Variants in ULK4 observed in about 807,000 individuals in gnomAD.
ULK4 encodes the protein unc-51 like kinase 4.
A neutral mutation model predicts 160.6 loss-of-function variants in ULK4; 133 were observed. The ratio of observed to expected loss-of-function variants is 0.83; its 90% CI spans 0.72 to 0.96. The LOEUF is 0.96. ULK4 is among the 40% of genes least tolerant of loss of function. ULK4 has a pLI of 0.00. For synonymous variants in ULK4, 534 were observed against 539.8 expected (o/e 0.99, Z 0.15); for missense variants, 1,580 against 1,499.5 (o/e 1.05, Z -0.89).
chr3:41,290,312 A>T (rs2079536582), intron 35 of ULK4, among the ~76,000 whole-genome samples: 1 of 152,160 alleles, frequency 6.6e-6, no homozygotes, highest in Non-Finnish European at 1.5e-5. Flanking sequence ...ATGTATATTA[A>T]CTCATTTATA....
chr3:41,684,189 C>T (rs957907672), intron 27 of ULK4, among the ~76,000 whole-genome samples: 17 of 152,180 alleles, frequency 1.1e-4, no homozygotes, highest in Admixed American at 2.6e-4. Flanking sequence ...TTTGCTCTTA[C>T]GGAAGCTACA....
At position 41,250,138 on chromosome 3, in the gene ULK4, G is replaced by T. The variant is rs996002427; in HGVS notation, c.3679-564C>A. 1.6e-4 allele frequency among the ~76,000 whole-genome samples: 24 copies of T among 152,222 alleles called. 1 individual carries two copies. The highest frequency in any genetic ancestry group is 5.3e-4 in the African/African-American group (22 of 41,524). ...ATGCCTGACTCTGTAGCACCTATTTGCAGAATCATACACTCTCAGGGCTAG... is the reference window on the plus strand; with the variant it reads ...ATGCCTGACTCTGTAGCACCTATTTTCAGAATCATACACTCTCAGGGCTAG... On this transcript the variant is annotated intron_variant, in intron 35 of 36. Transcript: ENST00000301831.
At chr3:41,544,064 T>G in intron 32 of ULK4, among the ~76,000 whole-genome samples, 1 of 152,198 alleles carries the variant, frequency 6.6e-6, no homozygotes, top group Non-Finnish European at 1.5e-5. Flanking sequence ...TTCCTGTGTA[T>G]AGGCCGTATT....
At chr3:41,679,918 T>A (rs955901540) in intron 29 of ULK4, among the ~76,000 whole-genome samples, 4 of 152,190 alleles carry the variant, frequency 2.6e-5, no homozygotes. Flanking sequence ...CTTGCTATGC[T>A]GCCCAAGCTG....
intron 32 of ULK4, among the ~76,000 whole-genome samples, chr3:41,543,061 A>T (rs2086748470): frequency 6.6e-6 from 1 of 152,072 alleles, no homozygotes; most frequent in South Asian, 2.1e-4. Flanking sequence ...CAAGGAGCAG[A>T]ATTTTGCCCA....
chr3:41,935,017 A>ATTTT lies in ULK4; in HGVS notation c.378+780_378+783dup, dbSNP rs10635589. Among the ~76,000 whole-genome samples the ATTTT allele has an allele frequency of 1.1e-3, 119 of 112,860 alleles. 1 individual carries two copies. The highest frequency in any genetic ancestry group is 2.5e-3 in the African/African-American group (71 of 28,966). The allele number at this position is 112,860 out of a possible 152,430, so 74.0% of individuals were successfully genotyped here. A position where few individuals can be genotyped will look rare whatever the true frequency, so the allele number is the denominator to read the frequency against. ...ACCATATATTTCCTTTTATTTATTA[A>ATTTT]TTTTTTTTTTTTTTTTTTTTTGAAA... On this transcript the variant is annotated intron_variant, in intron 4 of 36. Coordinates refer to ENST00000301831, the MANE Select transcript of ULK4 (RefSeq NM_017886.4).
At chr3:41,567,733 G>A (rs981986086) in intron 31 of ULK4, among the ~76,000 whole-genome samples, 1 of 152,088 alleles carries the variant, frequency 6.6e-6, no homozygotes, top group Admixed American at 6.5e-5. Context: ...AAAGTGCTGG[G>A]ATTACAGGCG....
intron 34 of ULK4, among the ~76,000 whole-genome samples, chr3:41,443,259 C>T (rs1052953390): frequency 6.6e-5 from 10 of 152,174 alleles, no homozygotes; most frequent in African/African-American, 2.4e-4. Context: ...CACTTACATT[C>T]CTTTCAAATT....
intron 18 of ULK4, among the ~76,000 whole-genome samples, chr3:41,829,189 A>G (rs2125644017): frequency 6.7e-6 from 1 of 150,310 alleles, no homozygotes; most frequent in East Asian, 1.9e-4. Context: ...AAACCATAAA[A>G]ACCCTAGAAG....
chr3:41,865,806 T>C (rs1696835342), intron 17 of ULK4, among the ~76,000 whole-genome samples: 1 of 151,756 alleles, frequency 6.6e-6, no homozygotes, highest in Non-Finnish European at 1.5e-5. Flanking sequence ...TTATTGTAGG[T>C]TAAAATACAA....
chr3:41,760,677 G>A (rs1465772272), intron 21 of ULK4, among the ~76,000 whole-genome samples: 1 of 151,952 alleles, frequency 6.6e-6, no homozygotes, highest in Admixed American at 6.6e-5. Context: ...TTTTATACAA[G>A]GTGTATATGA....
At chr3:41,894,835 G>C (rs920898296) in intron 16 of ULK4, among the ~76,000 whole-genome samples, 10 of 152,122 alleles carry the variant, frequency 6.6e-5, no homozygotes, top group African/African-American at 9.7e-5. Flanking sequence ...TTGAGAAAAA[G>C]ATAATCATTT....
chr3:41,703,804 T>C (rs993650879), intron 27 of ULK4, among the ~76,000 whole-genome samples: 1 of 149,752 alleles, frequency 6.7e-6, no homozygotes, highest in Non-Finnish European at 1.5e-5. Flanking sequence ...CCACAGAATA[T>C]AGTATTTAAG....
intron 12 of ULK4, among the ~76,000 whole-genome samples, chr3:41,904,882 G>A (rs758676748): frequency 6.6e-6 from 1 of 152,158 alleles, no homozygotes; most frequent in African/African-American, 2.4e-5. Flanking sequence ...TCCTGTGTTC[G>A]TGGAGGAACA....
Position 41,704,468 on chromosome 3 carries a change from G to T in ULK4, c.2781+589C>A, listed in dbSNP as rs146812122. On this transcript the variant is annotated intron_variant, in intron 27 of 36. Transcript: ENST00000301831. Reference sequence around the variant, plus strand: ...CTTCCTAACTGGCTCCTCTTCTGGGGACCTTTCTGCAGAAAGAAAGGGACG... The same window carrying T: ...CTTCCTAACTGGCTCCTCTTCTGGGTACCTTTCTGCAGAAAGAAAGGGACG... Among the ~76,000 whole-genome samples, 3 of 152,130 alleles carry T rather than the reference G, an allele frequency of 2.0e-5. No homozygotes were observed. In the East Asian group the frequency reaches 5.8e-4, roughly 29 times the overall value.
At chr3:41,926,945 C>T (rs1451951666) in intron 5 of ULK4, among the ~76,000 whole-genome samples, 10 of 152,160 alleles carry the variant, frequency 6.6e-5, no homozygotes, top group Admixed American at 2.6e-4. Context: ...TCCAGGAGAA[C>T]TTCCCCAACC....
rs563979191 is a variant in ULK4 at position 41,376,910 on chromosome 3, T to C, written c.3678+21169A>G. Among the ~76,000 whole-genome samples the C allele has an allele frequency of 6.8e-4, 102 of 149,860 alleles. 6 individuals carry two copies. Among genetic ancestry groups the C allele is most frequent in the African/African-American group, 2.3e-3 (92 of 40,068 alleles). On this transcript the variant is annotated intron_variant, in intron 35 of 36. Coordinates refer to ENST00000301831, the MANE Select transcript of ULK4 (RefSeq NM_017886.4). ...ATATGGAACCAAAAAAGAGCCCGCA[T>C]CGCCAAGTCAATCCTAAGCCAAAAG... is the stretch of plus-strand genomic sequence containing the variant.
In ULK4 at chr3:41,374,400, C is replaced by T. The variant is rs2081434412; in HGVS notation, c.3678+23679G>A. Among the ~76,000 whole-genome samples the T allele has an allele frequency of 5.9e-5, 9 of 152,232 alleles. No individual in the cohort carries two copies. In the South Asian group the frequency reaches 1.9e-3, roughly 32 times the overall value. On this transcript the variant is annotated intron_variant, in intron 35 of 36. Transcript: ENST00000301831. ...GTGAAAATCCTCAACAAAATGCTGG[C>T]AAATGGAATCCAGCAGCACATCAAA...
At chr3:41,759,070 C>T (rs2038901968) in intron 21 of ULK4, among the ~76,000 whole-genome samples, 1 of 152,122 alleles carries the variant, frequency 6.6e-6, no homozygotes. Flanking sequence ...AAACCTACAG[C>T]TAACATCATA....
Sources: gnomAD v4.1 joint callset for allele counts (sites outside exome capture counted in the v4.1 genomes callset) on GRCh38, gnomAD v4.1.1 for gene constraint, MANE v1.5 for transcripts, NCBI Gene and HGNC (gene_info 2026-07-23, HGNC 2026-07-21) for gene names.